ARHGAP5: variants seen among roughly 807,000 people sequenced by gnomAD.
The protein encoded by ARHGAP5 is rho GTPase-activating protein 5.
In ARHGAP5, 23 loss-of-function variants were observed where a neutral mutation model predicts 116.6. The observed-to-expected ratio is 0.20, with a 90% CI of 0.14 to 0.28. The LOEUF is 0.28. Among genes scored for constraint, ARHGAP5 ranks in the 10% least tolerant of loss-of-function variants. ARHGAP5 has a pLI of 1.00. For synonymous variants in ARHGAP5, 574 were observed against 602.0 expected (o/e 0.95, Z 0.68); for missense variants, 1,405 against 1,774.8 (o/e 0.79, Z 3.74).
In ARHGAP5 at chr14:32,159,371, G is replaced by T. The variant is rs536691510; in HGVS notation, c.*4423G>T. On this transcript the variant is annotated 3_prime_UTR_variant, in exon 7 of 7. Transcript: ENST00000345122. ...TGAACAATTTAATAACGGCCCTCCT[G>T]TTCTAGTTTGCCTAATATTTTAGTT... 2.1e-4 allele frequency: 32 copies of T among 152,150 alleles called. No individual in the cohort carries two copies. In the East Asian group the frequency reaches 6.2e-3, roughly 29 times the overall value. 9.4% of individuals were successfully genotyped at this position (152,150 alleles called of 1,614,324 possible). A position where few individuals can be genotyped will look rare whatever the true frequency, so the allele number is the denominator to read the frequency against.
intron 3 of ARHGAP5, among the ~76,000 whole-genome samples, chr14:32,125,848 A>G (rs1253349738): frequency 1.3e-5 from 2 of 152,136 alleles, no homozygotes; most frequent in African/African-American, 4.8e-5. Context: ...GCCTTGGTTA[A>G]ATTTATTCCT....
intron 1 of ARHGAP5, among the ~76,000 whole-genome samples, chr14:32,080,546 T>G (rs1322329741): frequency 1.3e-5 from 2 of 152,086 alleles, no homozygotes; most frequent in Non-Finnish European, 2.9e-5. Context: ...TTCAGATTAC[T>G]TTTATTTAGC....
chr14:32,137,489 A>G (rs1216458547), intron 3 of ARHGAP5, among the ~76,000 whole-genome samples: 1 of 151,842 alleles, frequency 6.6e-6, no homozygotes, highest in East Asian at 1.9e-4. Context: ...TAAGTTTTGA[A>G]ATCAGAAAGC....
intron 2 of ARHGAP5, among the ~76,000 whole-genome samples, chr14:32,102,929 A>G (rs1403570564): frequency 2.0e-5 from 3 of 152,232 alleles, no homozygotes; most frequent in Non-Finnish European, 4.4e-5. Flanking sequence ...CTTTCAAGAA[A>G]TTCAGTCTAA....
chr14:32,116,604 A>G (rs752198402), intron 2 of ARHGAP5, among the ~76,000 whole-genome samples: 33 of 152,202 alleles, frequency 2.2e-4, no homozygotes, highest in Non-Finnish European at 4.3e-4. Context: ...AAATAAGTAA[A>G]TAAATAAAAT....
chr14:32,143,094 G>C (rs1056041671), intron 3 of ARHGAP5, among the ~76,000 whole-genome samples: 3 of 152,090 alleles, frequency 2.0e-5, no homozygotes, highest in African/African-American at 7.2e-5. Context: ...TAAAACTTAG[G>C]CCATTCTAAA....
chr14:32,085,965 G>C (rs1446509038), intron 1 of ARHGAP5, among the ~76,000 whole-genome samples: 2 of 152,102 alleles, frequency 1.3e-5, no homozygotes, highest in Non-Finnish European at 2.9e-5. Flanking sequence ...GTTTAAATTA[G>C]GATTTATGCA....
intron 1 of ARHGAP5, among the ~76,000 whole-genome samples, chr14:32,089,229 C>G (rs988743346): frequency 8.6e-5 from 13 of 151,862 alleles, no homozygotes; most frequent in Non-Finnish European, 1.3e-4. Context: ...GTTAGTGTAA[C>G]ATATGTTCGG....
intron 2 of ARHGAP5, among the ~76,000 whole-genome samples, chr14:32,096,103 G>C (rs762532971): frequency 2.0e-4 from 30 of 149,992 alleles, no homozygotes; most frequent in Non-Finnish European, 3.0e-4. Context: ...GTGTGTGTGC[G>C]TGCGCACGTG....
intron 1 of ARHGAP5, among the ~76,000 whole-genome samples, chr14:32,078,886 A>C (rs951467476): frequency 6.6e-6 from 1 of 152,204 alleles, no homozygotes; most frequent in Non-Finnish European, 1.5e-5. Context: ...ATTCTTATTC[A>C]GTGTTTGTAG....
rs1292453844 is a variant in ARHGAP5, at chr14:32,158,256, G to A, written c.*3308G>A. 6 of 151,690 alleles carry A rather than the reference G, an allele frequency of 4.0e-5. No homozygotes were observed. The highest frequency in any genetic ancestry group is 1.9e-4 in the East Asian group (1 of 5,200). 9.4% of individuals were successfully genotyped at this position (151,690 alleles called of 1,614,324 possible). ...AATATGATGGAAATCTTATTAAGGA[G>A]ATGTATTATTGAATTTTCACTGTAC... is the stretch of plus-strand genomic sequence containing the variant. On this transcript the variant is annotated 3_prime_UTR_variant, in exon 7 of 7. Transcript: ENST00000345122.
At chr14:32,127,233 G>T (rs1480177158) in intron 3 of ARHGAP5, among the ~76,000 whole-genome samples, 2 of 151,660 alleles carry the variant, frequency 1.3e-5, no homozygotes, top group Admixed American at 6.6e-5. Context: ...GGGGGATTTG[G>T]CAGGGTCATA....
chr14:32,078,448 A>G (rs960886738), intron 1 of ARHGAP5, among the ~76,000 whole-genome samples: 4 of 152,262 alleles, frequency 2.6e-5, no homozygotes, highest in Admixed American at 1.3e-4. Flanking sequence ...AGATAGGCAT[A>G]TAGATGGGTT....
intron 3 of ARHGAP5, among the ~76,000 whole-genome samples, chr14:32,134,169 G>T (rs1364723912): frequency 6.6e-6 from 1 of 152,050 alleles, no homozygotes; most frequent in Non-Finnish European, 1.5e-5. Context: ...CTTTAATTTA[G>T]AATAGTTTTC....
chr14:32,135,401 A>G (rs186581140), intron 3 of ARHGAP5, among the ~76,000 whole-genome samples: 16 of 152,300 alleles, frequency 1.1e-4, no homozygotes, highest in Non-Finnish European at 2.4e-4. Context: ...TGTTCACCAG[A>G]TCCTAGAATT....
At chr14:32,137,515 T>C (rs1021857643) in intron 3 of ARHGAP5, among the ~76,000 whole-genome samples, 7 of 151,932 alleles carry the variant, frequency 4.6e-5, no homozygotes, top group African/African-American at 1.2e-4. Context: ...GTTCTTCGGT[T>C]TTTTCTTCTT....
At chr14:32,097,481 A>G (rs1350571482) in intron 2 of ARHGAP5, among the ~76,000 whole-genome samples, 1 of 152,176 alleles carries the variant, frequency 6.6e-6, no homozygotes, top group Non-Finnish European at 1.5e-5. Flanking sequence ...CTTTCTTGAA[A>G]ACGTGTACAC....
At chr14:32,096,003 T>C (rs1878508047) in intron 2 of ARHGAP5, among the ~76,000 whole-genome samples, 1 of 152,248 alleles carries the variant, frequency 6.6e-6, no homozygotes, top group Non-Finnish European at 1.5e-5. Context: ...TGATGTAATT[T>C]CAATGAAAGT....
chr14:32,080,474 TAAAA>T (rs569231899), intron 1 of ARHGAP5, among the ~76,000 whole-genome samples: 1 of 149,688 alleles, frequency 6.7e-6, no homozygotes, highest in Admixed American at 6.7e-5. Flanking sequence ...AAATTCCCCT[TAAAA>T]AAAAACAAAA....
Sources: allele counts gnomAD v4.1 joint callset (sites outside exome capture counted in the v4.1 genomes callset), GRCh38; gene constraint gnomAD v4.1.1; transcripts MANE v1.5; gene names NCBI Gene and HGNC (gene_info 2026-07-23, HGNC 2026-07-21).